Variants in IL6ST observed in about 807,000 individuals in gnomAD.
IL6ST encodes interleukin 6 cytokine family signal transducer, also known as interleukin-6 receptor subunit beta.
Under a neutral mutation model 91.3 loss-of-function variants are expected in IL6ST, and 24 were observed. The observed-to-expected ratio is 0.26, with a 90% CI of 0.19 to 0.37. The LOEUF is 0.37. Ranked by LOEUF, IL6ST falls within the 10% of genes least tolerant of loss-of-function variation. The pLI, the probability that IL6ST is intolerant of heterozygous loss-of-function variation, is 1.00. For synonymous variants in IL6ST, 351 were observed against 373.6 expected, an observed-to-expected ratio of 0.94 and a Z score of 0.70; for missense variants, 914 against 1,078.5, an observed-to-expected ratio of 0.85 and a Z score of 2.14.
In IL6ST at chr5:55,938,397, C is replaced by A. The variant is rs1297733635; in HGVS notation, c.*2685G>T. 2.1e-5 allele frequency: 4 copies of A among 190,500 alleles called. No homozygotes were observed. The highest frequency in any genetic ancestry group is 7.0e-5 in the African/African-American group (3 of 42,876). 11.8% of individuals were successfully genotyped at this position (190,500 alleles called of 1,614,324 possible). A position where few individuals can be genotyped will look rare whatever the true frequency, so the allele number is the denominator to read the frequency against. ...GTTTTATAGTTTTCTAATAATTATT[C>A]AGTATTATCCCTTTCAGAGATGAGG... On this transcript the variant is annotated 3_prime_UTR_variant, in exon 17 of 17. Coordinates refer to ENST00000381298, the MANE Select transcript of IL6ST (RefSeq NM_002184.4).
At chr5:55,959,591 T>A (rs1309441615) in intron 8 of IL6ST, 1 of 1,105,850 alleles carries the variant, frequency 9.0e-7, no homozygotes, top group Admixed American at 2.4e-5. Context: ...TCATATATAT[T>A]ATCTATAGGA....
Position 55,935,555 on chromosome 5 carries a change from C to T in IL6ST, c.*5527G>A, listed in dbSNP as rs939355502. The T allele has an allele frequency of 4.6e-6, 1 of 217,956 alleles. No homozygotes were observed. The highest frequency in any genetic ancestry group is 9.2e-6 in the Non-Finnish European group (1 of 108,468). 13.5% of individuals were successfully genotyped at this position (217,956 alleles called of 1,614,324 possible). A position where few individuals can be genotyped will look rare whatever the true frequency, so the allele number is the denominator to read the frequency against. On this transcript the variant is annotated 3_prime_UTR_variant, in exon 17 of 17. Transcript: ENST00000381298. The stretch of plus-strand genomic sequence containing the variant: ...AAGAGCCAACCCCGATCAGCAGCAA[C>T]AGGACTCAAGCTGTTCACCCTGCTT...
intron 1 of IL6ST, among the ~76,000 whole-genome samples, chr5:55,987,596 A>T (rs1220335066): frequency 6.6e-6 from 1 of 152,212 alleles, no homozygotes; most frequent in Non-Finnish European, 1.5e-5. Context: ...CTTGTGTTCA[A>T]ATTTCAGTCC....
At chr5:55,946,047 T>C (rs1368830226) in intron 15 of IL6ST, among the ~76,000 whole-genome samples, 2 of 152,178 alleles carry the variant, frequency 1.3e-5, no homozygotes, top group African/African-American at 2.4e-5. Flanking sequence ...AGCACTCTTA[T>C]AGCTCAATTA....
At chr5:55,974,933 T>TCATACACACACACACACACACA (rs1561193473) in intron 3 of IL6ST, among the ~76,000 whole-genome samples, 1 of 144,456 alleles carries the variant, frequency 6.9e-6, no homozygotes, top group Non-Finnish European at 1.5e-5. Flanking sequence ...ATAGTATTAT[T>TCATACACACACACACACACACA]CATACACACA....
rs2111596621 is a variant in IL6ST at position 55,942,671 on chromosome 5, C to A, written c.2018G>T (p.Arg673Met). 1 of 1,567,938 alleles carries A rather than the reference C, an allele frequency of 6.4e-7. No individual in the cohort carries two copies. The highest frequency in any genetic ancestry group is 8.8e-7 in the Non-Finnish European group (1 of 1,139,458). Reference protein sequence around the residue: ...IAQWSPHTPPRHNFNSKDQMY... With the variant: ...IAQWSPHTPPMHNFNSKDQMY... The stretch of plus-strand genomic sequence containing the variant: ...CAACTCAGAAGCATTTTCTCTTACC[C>A]TTGGAGGAGTGTGAGGTGACCACTG... Residue 673 changes from arginine (R) to methionine (M), a missense_variant and splice_region_variant, in exon 16 of 17, where the codon AGG becomes ATG. Arg to Met is a moderately conservative substitution (Grantham distance 91). Coordinates refer to ENST00000381298, the MANE Select transcript of IL6ST (RefSeq NM_002184.4).
At chr5:55,976,191 G>C in intron 3 of IL6ST, 24 bp downstream of exon 3, 1 of 1,331,848 alleles carries the variant, frequency 7.5e-7, no homozygotes, top group Non-Finnish European at 1.0e-6. Flanking sequence ...GAAGTTAGAA[G>C]ATAGGGTATT....
rs1750596802 is a variant in IL6ST, at chr5:55,937,285, A to G, written c.*3797T>C. On this transcript the variant is annotated 3_prime_UTR_variant, in exon 17 of 17. Coordinates refer to ENST00000381298, the MANE Select transcript of IL6ST (RefSeq NM_002184.4). ...TTTGTACAAACTATTGACTGAGAAA[A>G]AGCCCTTAAAAATTTAGGAACAAAT... The G allele has an allele frequency of 4.7e-6, 1 of 213,554 alleles. No individual in the cohort carries two copies. Among genetic ancestry groups the G allele is most frequent in the Admixed American group, 5.9e-5 (1 of 17,058 alleles). The allele number at this position is 213,554 out of a possible 1,614,324, so 13.2% of individuals were successfully genotyped here.
intron 14 of IL6ST, among the ~76,000 whole-genome samples, chr5:55,950,535 C>CAAAAAAAAAAA (rs70995750): frequency 2.0e-4 from 6 of 29,362 alleles, no homozygotes; most frequent in East Asian, 1.8e-3. Flanking sequence ...GACTCTGTCT[C>CAAAAAAAAAAA]AAAAAAAAAA....
At chr5:55,944,020 G>A (rs1751084469) in intron 15 of IL6ST, among the ~76,000 whole-genome samples, 1 of 152,224 alleles carries the variant, frequency 6.6e-6, no homozygotes, top group South Asian at 2.1e-4. Flanking sequence ...GGGGGTTGCA[G>A]TGAGCCAAGA....
intron 1 of IL6ST, among the ~76,000 whole-genome samples, chr5:55,988,558 G>C (rs528941509): frequency 1.3e-5 from 2 of 152,076 alleles, no homozygotes; most frequent in South Asian, 4.1e-4. Flanking sequence ...CCTGAGGTTG[G>C]GAGTTCGAGA....
intron 1 of IL6ST, among the ~76,000 whole-genome samples, chr5:55,983,132 T>G (rs1040249106): frequency 3.5e-4 from 54 of 152,128 alleles, no homozygotes; most frequent in African/African-American, 1.2e-3. Context: ...CCCGAGTAGC[T>G]GGGACTAGAG....
At chr5:55,973,659 A>G (rs1753092383) in intron 3 of IL6ST, among the ~76,000 whole-genome samples, 1 of 152,226 alleles carries the variant, frequency 6.6e-6, no homozygotes, top group Admixed American at 6.5e-5. Flanking sequence ...TACAGCAAAG[A>G]TGAATACGTC....
chr5:55,975,167 G>A (rs1322634659), intron 3 of IL6ST, among the ~76,000 whole-genome samples: 1 of 152,064 alleles, frequency 6.6e-6, no homozygotes, highest in East Asian at 1.9e-4. Context: ...CAAATCTCAT[G>A]TCGTATCATA....
intron 15 of IL6ST, among the ~76,000 whole-genome samples, chr5:55,946,594 A>G (rs747047147): frequency 1.3e-5 from 2 of 152,166 alleles, no homozygotes; most frequent in Non-Finnish European, 2.9e-5. Context: ...AGGTGGGTGG[A>G]TCACTTGAGG....
chr5:55,964,204 T>G lies in IL6ST; in HGVS notation c.600A>C (p.Ala200=), dbSNP rs1241400203. 6.2e-7 allele frequency: 1 copy of G among 1,610,718 alleles called. No homozygotes were observed. Among genetic ancestry groups the G allele is most frequent in the Non-Finnish European group, 8.5e-7 (1 of 1,178,044 alleles). The change falls in exon 6 of 17, where the codon GCA becomes GCC. Residue 200 remains alanine (A), a synonymous_variant. Transcript: ENST00000381298. ...ATGTAACCTTCCCAAGGGCATTCTC[T>G]GCTTCTACCCAGACTTCAATGTTGA... ...YFVNIEVWVE[A]ENALGKVTSD...
At chr5:55,971,332 A>G (rs1580839766) in intron 3 of IL6ST, among the ~76,000 whole-genome samples, 2 of 152,222 alleles carry the variant, frequency 1.3e-5, no homozygotes, top group East Asian at 3.9e-4. Flanking sequence ...CTTCTTTCCA[A>G]TGCTACTTTG....
In IL6ST at chr5:55,941,568, G is replaced by C. The variant is rs1425396244; in HGVS notation, c.2271C>G (p.Val757=). ...NESSQNTSST[V]QYSTVVHSGY... is the part of the protein sequence containing the mutation. ...CACTGTGTACCACGGTAGAATACTG[G>C]ACAGTGCTCGAAGTGTTTTGTGAAG... The change falls in exon 17 of 17, where the codon GTC becomes GTG. Residue 757 remains valine (V), a synonymous_variant. Coordinates refer to ENST00000381298, the MANE Select transcript of IL6ST (RefSeq NM_002184.4). 1 of 1,614,188 alleles carries C rather than the reference G, an allele frequency of 6.2e-7. No individual in the cohort carries two copies. The highest frequency in any genetic ancestry group is 1.3e-5 in the African/African-American group (1 of 75,058).
At chr5:55,977,843 C>T (rs146679608) in intron 2 of IL6ST, among the ~76,000 whole-genome samples, 1 of 152,056 alleles carries the variant, frequency 6.6e-6, no homozygotes, top group African/African-American at 2.4e-5. Flanking sequence ...CACACACACA[C>T]ACACACACGC....
Sources: allele counts gnomAD v4.1 joint callset (sites outside exome capture counted in the v4.1 genomes callset), GRCh38; gene constraint gnomAD v4.1.1; transcripts MANE v1.5; gene names NCBI Gene and HGNC (gene_info 2026-07-23, HGNC 2026-07-21).